The following SAMMSON variants were observed in gnomAD, a reference collection of about 807,000 sequenced individuals.
SAMMSON encodes survival associated mitochondrial melanoma specific oncogenic non-coding RNA.
chr3:70,361,241 A>C (rs1702868607), intron 9 of SAMMSON, among the ~76,000 whole-genome samples: 1 of 152,222 alleles, frequency 6.6e-6, no homozygotes, highest in Non-Finnish European at 1.5e-5. Flanking sequence ...AGGCATAAGC[A>C]GAACTCTGAT....
intron 4 of SAMMSON, among the ~76,000 whole-genome samples, chr3:70,088,011 G>T (rs921278375): frequency 1.2e-4 from 19 of 152,108 alleles, no homozygotes; most frequent in Admixed American, 9.2e-4. Context: ...CATTGCTTAA[G>T]GTGTGGCTGA....
At chr3:70,256,645 A>G (rs955903440) in intron 6 of SAMMSON, among the ~76,000 whole-genome samples, 1 of 152,206 alleles carries the variant, frequency 6.6e-6, no homozygotes, top group Non-Finnish European at 1.5e-5. Flanking sequence ...GAAATCCTCA[A>G]GCCATGAGAT....
At chr3:70,246,320 C>A (rs1024133618) in intron 4 of SAMMSON, among the ~76,000 whole-genome samples, 1 of 152,004 alleles carries the variant, frequency 6.6e-6, no homozygotes, top group Non-Finnish European at 1.5e-5. Flanking sequence ...ACAGTTTGAA[C>A]GTAAGCTGGA....
At chr3:70,187,356 T>C (rs1477718635) in intron 4 of SAMMSON, among the ~76,000 whole-genome samples, 1 of 152,142 alleles carries the variant, frequency 6.6e-6, no homozygotes, top group African/African-American at 2.4e-5. Flanking sequence ...CATAATTTCT[T>C]TTTGCTGAAG....
intron 7 of SAMMSON, among the ~76,000 whole-genome samples, chr3:70,330,118 T>G (rs145260589): frequency 1.3e-5 from 2 of 152,046 alleles, no homozygotes; most frequent in Non-Finnish European, 2.9e-5. Context: ...GTATAAATTA[T>G]CTAGTTAAAA....
intron 4 of SAMMSON, among the ~76,000 whole-genome samples, chr3:70,083,738 T>C (rs2067275148): frequency 6.6e-6 from 1 of 152,128 alleles, no homozygotes; most frequent in Non-Finnish European, 1.5e-5. Flanking sequence ...GAACATAGCC[T>C]TCCTTCCTTG....
chr3:70,335,958 A>C (rs1702657092), intron 7 of SAMMSON, among the ~76,000 whole-genome samples: 1 of 152,044 alleles, frequency 6.6e-6, no homozygotes. Flanking sequence ...ATCACAGTCC[A>C]GGCCCTCTGC....
intron 6 of SAMMSON, among the ~76,000 whole-genome samples, chr3:70,268,334 G>C (rs1044989681): frequency 6.6e-6 from 1 of 152,066 alleles, no homozygotes. Context: ...AATTAGCCAG[G>C]CGTGGTTGTG....
chr3:70,072,258 TA>T (rs1464386011), intron 4 of SAMMSON: 1 of 151,974 alleles, frequency 6.6e-6, no homozygotes, highest in Non-Finnish European at 1.5e-5. Flanking sequence ...TAGTGAAGTC[TA>T]AGGTATTCTT....
At chr3:70,051,083 C>CAG (rs1452445422) in intron 3 of SAMMSON, among the ~76,000 whole-genome samples, 1 of 121,090 alleles carries the variant, frequency 8.3e-6, no homozygotes, top group Non-Finnish European at 1.6e-5. Context: ...TGGAGTGAGC[C>CAG]AAGATTGCAC....
At chr3:70,385,530 G>A (rs1190712001) in intron 9 of SAMMSON, among the ~76,000 whole-genome samples, 1 of 152,064 alleles carries the variant, frequency 6.6e-6, no homozygotes, top group African/African-American at 2.4e-5. Context: ...CTGCTAGGCT[G>A]TGTGGGGGTG....
chr3:70,343,213 A>G (rs1282060376), intron 7 of SAMMSON, among the ~76,000 whole-genome samples: 1 of 152,192 alleles, frequency 6.6e-6, no homozygotes, highest in African/African-American at 2.4e-5. Context: ...ATCACAATTA[A>G]TGAACCAATA....
chr3:70,418,965 C>A, intron 2 of SAMMSON, among the ~76,000 whole-genome samples: 1 of 72,738 alleles, frequency 1.4e-5, no homozygotes, highest in Non-Finnish European at 3.0e-5. Flanking sequence ...CTTTCCTTTC[C>A]TTTCCTTCCT....
intron 3 of SAMMSON, among the ~76,000 whole-genome samples, chr3:70,016,687 T>C (rs2066987359): frequency 6.6e-6 from 1 of 152,244 alleles, no homozygotes; most frequent in Admixed American, 6.5e-5. Context: ...ATGGTATTGC[T>C]TAGATTTTCT....
chr3:70,362,270 T>C (rs538938092), intron 9 of SAMMSON, among the ~76,000 whole-genome samples: 4 of 152,174 alleles, frequency 2.6e-5, no homozygotes, highest in East Asian at 1.9e-4. Flanking sequence ...AAGTCCAAGA[T>C]TAAACATTAG....
chr3:70,417,095 G>A (rs1209447366), intron 2 of SAMMSON, among the ~76,000 whole-genome samples: 3 of 152,090 alleles, frequency 2.0e-5, no homozygotes, highest in Non-Finnish European at 2.9e-5. Context: ...GGAACATTGT[G>A]TAGAAGCCAA....
intron 4 of SAMMSON, among the ~76,000 whole-genome samples, chr3:70,169,563 G>A (rs1406888726): frequency 6.6e-6 from 1 of 151,854 alleles, no homozygotes; most frequent in Admixed American, 6.6e-5. Context: ...AAGCTTCATG[G>A]CGAAGGTTCC....
At chr3:70,314,303 C>G (rs1221648637) in intron 7 of SAMMSON, among the ~76,000 whole-genome samples, 1 of 152,140 alleles carries the variant, frequency 6.6e-6, no homozygotes, top group Non-Finnish European at 1.5e-5. Flanking sequence ...AAACTGATGA[C>G]AGTATTTTCC....
intron 9 of SAMMSON, among the ~76,000 whole-genome samples, chr3:70,368,743 C>G (rs922194041): frequency 6.6e-6 from 1 of 151,502 alleles, no homozygotes; most frequent in Non-Finnish European, 1.5e-5. Context: ...ATTCCTTCAC[C>G]AACACCACAC....
Sources: allele counts gnomAD v4.1 joint callset (sites outside exome capture counted in the v4.1 genomes callset), GRCh38; gene constraint gnomAD v4.1.1; transcripts MANE v1.5; gene names NCBI Gene and HGNC (gene_info 2026-07-23, HGNC 2026-07-21).